Variants in FAF1 observed in about 807,000 individuals in gnomAD.
FAF1 encodes FAS-associated factor 1.
In FAF1, 25 loss-of-function variants were observed where a neutral mutation model predicts 92.5. That is an observed-to-expected ratio of 0.27 (90% CI 0.20 to 0.38). FAF1 has a LOEUF of 0.38. Ranked by LOEUF, FAF1 falls within the 10% of genes least tolerant of loss-of-function variation. FAF1 has a pLI of 1.00. For missense variants in FAF1, 636 were observed against 793.3 expected, an observed-to-expected ratio of 0.80 and a Z score of 2.38; for synonymous variants, 234 against 273.2, an observed-to-expected ratio of 0.86 and a Z score of 1.42.
intron 2 of FAF1, among the ~76,000 whole-genome samples, chr1:50,843,629 A>G (rs1156548479): frequency 2.6e-5 from 4 of 151,906 alleles, no homozygotes; most frequent in Admixed American, 1.3e-4. Context: ...AGAACATACA[A>G]TATTTGTCTT....
intron 1 of FAF1, among the ~76,000 whole-genome samples, chr1:50,890,057 GGTGCAT>G (rs2124699216): frequency 6.6e-6 from 1 of 152,266 alleles, no homozygotes; most frequent in South Asian, 2.1e-4. Flanking sequence ...TCCTGTATTG[GGTGCAT>G]GTATATTTAG....
chr1:50,606,233 T>C (rs1652385502), intron 8 of FAF1, among the ~76,000 whole-genome samples: 2 of 152,202 alleles, frequency 1.3e-5, no homozygotes, highest in Non-Finnish European at 2.9e-5. Flanking sequence ...GTATTTTATA[T>C]CAACTTATGT....
intron 4 of FAF1, among the ~76,000 whole-genome samples, chr1:50,775,453 A>G (rs904818849): frequency 3.3e-5 from 5 of 152,146 alleles, no homozygotes; most frequent in Admixed American, 2.0e-4. Context: ...ATAGCGGATG[A>G]TTCAACTTAA....
chr1:50,956,671 G>A (rs1482428966), intron 1 of FAF1, among the ~76,000 whole-genome samples: 2 of 152,198 alleles, frequency 1.3e-5, no homozygotes, highest in East Asian at 3.8e-4. Flanking sequence ...GATTTGAGCC[G>A]GGTGCGGTGG....
At chr1:50,479,360 T>C (rs893300831) in intron 17 of FAF1, among the ~76,000 whole-genome samples, 10 of 152,212 alleles carry the variant, frequency 6.6e-5, no homozygotes, top group African/African-American at 2.4e-4. Context: ...ATGGTTCTTT[T>C]TGATGGGAGA....
At chr1:50,879,231 C>T (rs1042351798) in intron 1 of FAF1, among the ~76,000 whole-genome samples, 7 of 151,904 alleles carry the variant, frequency 4.6e-5, no homozygotes, top group African/African-American at 1.7e-4. Flanking sequence ...GGCCACAGAG[C>T]GAGACCTTGT....
intron 4 of FAF1, among the ~76,000 whole-genome samples, chr1:50,768,414 C>T (rs1196014564): frequency 1.3e-5 from 2 of 151,970 alleles, no homozygotes; most frequent in Non-Finnish European, 2.9e-5. Context: ...AAAATCTGAA[C>T]TCAATATTAG....
intron 15 of FAF1, among the ~76,000 whole-genome samples, chr1:50,521,822 G>C (rs1557979808): frequency 6.6e-6 from 1 of 152,216 alleles, no homozygotes; most frequent in Non-Finnish European, 1.5e-5. Flanking sequence ...TTGTCAAAAA[G>C]TGTTACTGTA....
chr1:50,930,661 C>G (rs1183059419), intron 1 of FAF1, among the ~76,000 whole-genome samples: 45 of 152,150 alleles, frequency 3.0e-4, no homozygotes, highest in Non-Finnish European at 2.2e-4. Context: ...CAGTGAAACC[C>G]CGTCTCTACT....
chr1:50,665,695 A>T (rs35993240), intron 7 of FAF1, among the ~76,000 whole-genome samples: 47,090 of 152,062 alleles, frequency 0.31, 9,204 homozygotes, highest in East Asian at 0.77. Flanking sequence ...TAAAAAGCCC[A>T]AAATAGGAAT....
intron 7 of FAF1, among the ~76,000 whole-genome samples, chr1:50,684,639 G>C (rs1656573160): frequency 1.3e-5 from 2 of 152,154 alleles, no homozygotes; most frequent in Admixed American, 6.5e-5. Flanking sequence ...CCAATTTCAA[G>C]GTACCAACAC....
In FAF1 at chr1:50,471,862, A is replaced by G. The variant is rs932614484; in HGVS notation, c.1869+3602T>C. 4.6e-5 allele frequency among the ~76,000 whole-genome samples: 7 copies of G among 152,192 alleles called. No homozygotes were observed. In the East Asian group the frequency reaches 1.3e-3, roughly 29 times the overall value. Reference sequence around the variant, plus strand: ...GGTAGGCAAAAAATGGAAAAAGAGTAGGCAGAAAGAAGAGTTGTGGGATAA... The same window carrying G: ...GGTAGGCAAAAAATGGAAAAAGAGTGGGCAGAAAGAAGAGTTGTGGGATAA... On this transcript the variant is annotated intron_variant, in intron 18 of 18. Coordinates refer to ENST00000396153, the MANE Select transcript of FAF1 (RefSeq NM_007051.3).
At chr1:50,558,588 A>G (rs1649709478) in intron 13 of FAF1, among the ~76,000 whole-genome samples, 2 of 152,248 alleles carry the variant, frequency 1.3e-5, no homozygotes, top group African/African-American at 2.4e-5. Flanking sequence ...GAACACCAAC[A>G]GACTTATAAG....
chr1:50,755,489 G>T (rs980084648), intron 4 of FAF1, among the ~76,000 whole-genome samples: 2 of 152,204 alleles, frequency 1.3e-5, no homozygotes, highest in African/African-American at 2.4e-5. Flanking sequence ...GGCTGGCACT[G>T]AGTGTCTGTG....
At chr1:50,922,852 A>G (rs1644976481) in intron 1 of FAF1, among the ~76,000 whole-genome samples, 2 of 151,752 alleles carry the variant, frequency 1.3e-5, no homozygotes, top group Admixed American at 6.6e-5. Flanking sequence ...CAAAAGATCA[A>G]AAAAGTTGGT....
At chr1:50,575,660 C>T (rs1231956733) in intron 12 of FAF1, among the ~76,000 whole-genome samples, 1 of 152,142 alleles carries the variant, frequency 6.6e-6, no homozygotes, top group Non-Finnish European at 1.5e-5. Context: ...GTGCAGGATG[C>T]TGTCCCAGCT....
chr1:50,467,852 G>A (rs1646517771), intron 18 of FAF1, among the ~76,000 whole-genome samples: 1 of 152,068 alleles, frequency 6.6e-6, no homozygotes, highest in Admixed American at 6.6e-5. Flanking sequence ...AAAAAAAGCA[G>A]GTGAGGTGAC....
In FAF1 at chr1:50,704,810, C is replaced by A. The variant is rs867924311; in HGVS notation, c.657+976G>T. 2.6e-5 allele frequency among the ~76,000 whole-genome samples: 4 copies of A among 152,208 alleles called. No individual in the cohort carries two copies. The South Asian group carries it at 8.3e-4, about 32-fold the overall frequency. On this transcript the variant is annotated intron_variant, in intron 7 of 18. Coordinates refer to ENST00000396153, the MANE Select transcript of FAF1 (RefSeq NM_007051.3). ...GAAGAAAATAAAGCAATGAGTTATT[C>A]ATGTCAAATTCAGAAGCTGAAATTC...
chr1:50,770,597 T>C (rs892326129), intron 4 of FAF1, among the ~76,000 whole-genome samples: 3 of 152,098 alleles, frequency 2.0e-5, no homozygotes, highest in Non-Finnish European at 4.4e-5. Flanking sequence ...TGCATGAAGA[T>C]ATTAGATATG....
Sources: gnomAD v4.1 joint callset for allele counts (sites outside exome capture counted in the v4.1 genomes callset) on GRCh38, gnomAD v4.1.1 for gene constraint, MANE v1.5 for transcripts, NCBI Gene and HGNC (gene_info 2026-07-23, HGNC 2026-07-21) for gene names.